Variants in UGGT1 observed in about 807,000 individuals in gnomAD.
UGGT1 encodes the protein UDP-glucose glycoprotein glucosyltransferase 1, also known as UDP-glucose:glycoprotein glucosyltransferase 1.
Under a neutral mutation model 203.9 loss-of-function variants are expected in UGGT1, and 107 were observed. That is an observed-to-expected ratio of 0.52 (90% CI 0.45 to 0.62). The LOEUF (loss-of-function observed/expected upper bound fraction) is 0.62. Ranked by LOEUF, UGGT1 falls within the 20% of genes least tolerant of loss-of-function variation. The pLI is 0.00. For synonymous variants in UGGT1, 628 were observed against 653.5 expected (o/e 0.96, Z 0.59); for missense variants, 1,673 against 1,867.2 (o/e 0.90, Z 1.92).
chr2:128,136,004 G>T (rs1338358841), intron 15 of UGGT1, among the ~76,000 whole-genome samples: 2 of 152,176 alleles, frequency 1.3e-5, no homozygotes, highest in Non-Finnish European at 2.9e-5. Flanking sequence ...TTGGGTCGTG[G>T]TACACAGTTG....
chr2:128,166,588 A>G (rs1690800746), intron 26 of UGGT1, among the ~76,000 whole-genome samples: 1 of 152,144 alleles, frequency 6.6e-6, no homozygotes, highest in African/African-American at 2.4e-5. Context: ...GTCTCCTTTA[A>G]TCTGGAAGAG....
chr2:128,155,327 A>T (rs1387457342), intron 19 of UGGT1, among the ~76,000 whole-genome samples, 162 bp from the exon 20 acceptor site: 2 of 152,210 alleles, frequency 1.3e-5, no homozygotes, highest in Non-Finnish European at 2.9e-5. Context: ...TTCAGTAGGG[A>T]TAGGGGCCAT....
chr2:128,135,915 T>C (rs1244041991), intron 15 of UGGT1, among the ~76,000 whole-genome samples: 1 of 152,180 alleles, frequency 6.6e-6, no homozygotes, highest in African/African-American at 2.4e-5. Flanking sequence ...ATACATCTGG[T>C]TAGATGGAAG....
intron 12 of UGGT1, 32 bp from the exon 13 acceptor site, chr2:128,128,997 T>C (rs1688747597): frequency 2.7e-6 from 4 of 1,499,598 alleles, no homozygotes; most frequent in Non-Finnish European, 3.6e-6. Flanking sequence ...CTTTTTTTCC[T>C]AGTAAATATC....
At chr2:128,105,663 C>T (rs1442852468) in intron 3 of UGGT1, among the ~76,000 whole-genome samples, 1 of 151,898 alleles carries the variant, frequency 6.6e-6, no homozygotes, top group Non-Finnish European at 1.5e-5. Context: ...TACAGGTGCC[C>T]ACCATCGCGC....
In UGGT1 at chr2:128,188,605, T is replaced by C. The variant is rs183664501; in HGVS notation, c.4642+991T>C. On this transcript the variant is annotated intron_variant, in intron 40 of 40. Coordinates refer to ENST00000259253, the MANE Select transcript of UGGT1 (RefSeq NM_020120.4). Reference sequence around the variant, plus strand: ...TGGAGTCCATAGTGATGTTTTGGTATGTACATGGGCTCTGGATTTTTAAGA... The same window carrying C: ...TGGAGTCCATAGTGATGTTTTGGTACGTACATGGGCTCTGGATTTTTAAGA... 4.1e-3 allele frequency among the ~76,000 whole-genome samples: 627 copies of C among 152,370 alleles called. 4 individuals are homozygous for C. The highest frequency in any genetic ancestry group is 6.9e-3 in the Non-Finnish European group (468 of 68,044).
At chr2:128,133,072 T>C (rs1688957624) in intron 13 of UGGT1, 69 bp from the exon 14 acceptor site, 3 of 1,553,674 alleles carry the variant, frequency 1.9e-6, no homozygotes, top group Non-Finnish European at 2.6e-6. Context: ...TAAAGTCTTA[T>C]TGATATTATT....
At chr2:128,126,102 C>T (rs1217907532) in intron 11 of UGGT1, among the ~76,000 whole-genome samples, 2 of 151,852 alleles carry the variant, frequency 1.3e-5, no homozygotes, top group South Asian at 2.1e-4. Context: ...CCACCACGCC[C>T]AGCTAATTTT....
intron 13 of UGGT1, among the ~76,000 whole-genome samples, chr2:128,130,383 G>T (rs1688816245): frequency 6.6e-6 from 1 of 152,164 alleles, no homozygotes; most frequent in Admixed American, 6.5e-5. Flanking sequence ...ATTCATTTTA[G>T]AAAAATTTTA....
At chr2:128,165,423 C>T (rs905318343) in intron 26 of UGGT1, among the ~76,000 whole-genome samples, 3 of 152,082 alleles carry the variant, frequency 2.0e-5, no homozygotes, top group Non-Finnish European at 2.9e-5. Flanking sequence ...ATTGGCTGGG[C>T]GTGGTGGCTC....
chr2:128,183,861 C>A, intron 38 of UGGT1, 72 bp downstream of exon 38: 1 of 1,183,082 alleles, frequency 8.5e-7, no homozygotes, highest in Non-Finnish European at 1.2e-6. Context: ...TGAAGTATTA[C>A]TTGTGTCTTC....
At chr2:128,164,654 CTGA>C in intron 25 of UGGT1, 73 bp from the exon 26 acceptor site, 2 of 1,199,010 alleles carry the variant, frequency 1.7e-6, no homozygotes, top group Non-Finnish European at 2.5e-6. Flanking sequence ...AGTATTTGGG[CTGA>C]TGATATGTTT....
intron 26 of UGGT1, among the ~76,000 whole-genome samples, chr2:128,167,233 C>T (rs1465920458): frequency 6.6e-6 from 1 of 152,134 alleles, no homozygotes; most frequent in Non-Finnish European, 1.5e-5. Context: ...AAGACCTCTT[C>T]CCTTTTCAGA....
intron 12 of UGGT1, among the ~76,000 whole-genome samples, chr2:128,128,524 G>A (rs1430589268): frequency 6.6e-6 from 1 of 152,028 alleles, no homozygotes; most frequent in Non-Finnish European, 1.5e-5. Context: ...ATGTTGGCCA[G>A]GCTGGTCTCG....
At chr2:128,112,125 T>A (rs1687885706) in intron 5 of UGGT1, among the ~76,000 whole-genome samples, 1 of 149,082 alleles carries the variant, frequency 6.7e-6, no homozygotes, top group South Asian at 2.1e-4. Flanking sequence ...TAACATAATA[T>A]AACATATTAT....
At chr2:128,138,160 G>A (rs1274709954) in intron 15 of UGGT1, among the ~76,000 whole-genome samples, 1 of 152,118 alleles carries the variant, frequency 6.6e-6, no homozygotes, top group African/African-American at 2.4e-5. Context: ...TTTTCATGAC[G>A]TGGAAATGGC....
chr2:128,126,004 A>G (rs1440608315), intron 11 of UGGT1, among the ~76,000 whole-genome samples: 1 of 146,654 alleles, frequency 6.8e-6, no homozygotes, highest in Non-Finnish European at 1.5e-5. Flanking sequence ...GTGCAGTGGC[A>G]TGATCTCAGC....
At chr2:128,188,709 C>T (rs367870196) in intron 40 of UGGT1, among the ~76,000 whole-genome samples, 1 of 152,248 alleles carries the variant, frequency 6.6e-6, no homozygotes, top group African/African-American at 2.4e-5. Flanking sequence ...TCTCAGGAGG[C>T]TGAAGTCGGA....
intron 19 of UGGT1, among the ~76,000 whole-genome samples, chr2:128,154,051 A>G (rs906066547): frequency 4.7e-5 from 5 of 105,860 alleles, no homozygotes; most frequent in African/African-American, 1.7e-4. Flanking sequence ...GGAAAAATAC[A>G]TGTATATATA....
Sources: allele counts gnomAD v4.1 joint callset (sites outside exome capture counted in the v4.1 genomes callset), GRCh38; gene constraint gnomAD v4.1.1; transcripts MANE v1.5; gene names NCBI Gene and HGNC (gene_info 2026-07-23, HGNC 2026-07-21).